The following ATXN1 variants were observed in gnomAD, a reference collection of about 807,000 sequenced individuals.
The protein encoded by ATXN1 is ataxin-1.
Under a neutral mutation model 56.4 loss-of-function variants are expected in ATXN1, and 8 were observed. That is an observed-to-expected ratio of 0.14 (90% CI 0.08 to 0.26). The LOEUF is 0.26. ATXN1 is among the 10% of genes least tolerant of loss of function. The probability of loss-of-function intolerance (pLI) is 1.00; values close to 1 mark genes in which losing one functional copy is unlikely to be tolerated. For synonymous variants in ATXN1, 514 were observed against 494.6 expected (o/e 1.04, Z -0.52); for missense variants, 987 against 1,106.5 (o/e 0.89, Z 1.53).
intron 2 of ATXN1, among the ~76,000 whole-genome samples, chr6:16,677,105 G>GGTT (rs56975695): frequency 0.027 from 4,127 of 152,218 alleles, 75 homozygotes; most frequent in Non-Finnish European, 0.034. Context: ...AGGAACAAGA[G>GGTT]GTTGTCCTTG....
Position 16,760,293 on chromosome 6 carries a change from G to A in ATXN1, c.-730+1005C>T. 6.6e-6 allele frequency among the ~76,000 whole-genome samples: 1 copy of A among 151,914 alleles called. No individual in the cohort carries two copies. Among genetic ancestry groups the A allele is most frequent in the South Asian group, 2.1e-4 (1 of 4,826 alleles). ...CCTCCTGGCTTCATTCACCCTCCCA[G>A]CAGCCGCGCAGCCGTTCACTCCCGG... On this transcript the variant is annotated intron_variant, in intron 1 of 7. Transcript: ENST00000436367. This position sits in a 1 kb window ranked among gnomAD's most constrained non-coding sequence, Gnocchi z 5.3.
intron 6 of ATXN1, among the ~76,000 whole-genome samples, chr6:16,355,119 T>G (rs149385730): frequency 3.7e-4 from 56 of 152,342 alleles, no homozygotes; most frequent in African/African-American, 1.3e-3. Context: ...GCAGTTGAAC[T>G]GCCTCAAACT....
intron 2 of ATXN1, among the ~76,000 whole-genome samples, chr6:16,698,962 T>C (rs1012451494): frequency 1.3e-5 from 2 of 152,218 alleles, no homozygotes; most frequent in African/African-American, 4.8e-5. Context: ...GCAGAAAATC[T>C]AACCAGAAAA....
rs939587592 is a variant in ATXN1, at chr6:16,302,540, C to G, written c.*3789G>C. On this transcript the variant is annotated 3_prime_UTR_variant, in exon 8 of 8. Coordinates refer to ENST00000436367, the MANE Select transcript of ATXN1 (RefSeq NM_001128164.2). ...ATCCATCTCTGTATCCCTCCCTCCCCCCTCTGCCCCAGTGTGGCCCAGACA... is the reference window on the plus strand; with the variant it reads ...ATCCATCTCTGTATCCCTCCCTCCCGCCTCTGCCCCAGTGTGGCCCAGACA... 1.3e-5 allele frequency: 2 copies of G among 152,622 alleles called. No homozygotes were observed. The highest frequency in any genetic ancestry group is 2.1e-4 in the South Asian group (1 of 4,826). 9.5% of individuals were successfully genotyped at this position (152,622 alleles called of 1,614,324 possible).
intron 5 of ATXN1, among the ~76,000 whole-genome samples, chr6:16,493,844 A>G (rs557457027): frequency 9.0e-4 from 137 of 152,320 alleles, no homozygotes; most frequent in African/African-American, 2.8e-3. Context: ...GCAGTCCCTC[A>G]ATGAAATGTT....
chr6:16,581,218 TGTGTGTGCGC>T (rs1414560834), intron 4 of ATXN1, among the ~76,000 whole-genome samples: 19 of 137,328 alleles, frequency 1.4e-4, no homozygotes, highest in African/African-American at 5.5e-4. Flanking sequence ...TGTGTGTGTG[TGTGTGTGCGC>T]GCGTGTGTGT....
rs370118714 is a variant in ATXN1, at chr6:16,334,419, T to C, written c.-160-5949A>G. On this transcript the variant is annotated intron_variant, in intron 6 of 7. Transcript: ENST00000436367. The stretch of plus-strand genomic sequence containing the variant: ...CATTTGGTAGGGTTCTTAAAAAGTA[T>C]AGTAATTATAACCTTCATTAAAAAA... Among the ~76,000 whole-genome samples the C allele has an allele frequency of 1.1e-4, 17 of 152,200 alleles. No individual in the cohort carries two copies. In the East Asian group the frequency reaches 2.5e-3, roughly 22 times the overall value.
chr6:16,755,654 T>G (rs1760866053), intron 1 of ATXN1, among the ~76,000 whole-genome samples: 1 of 151,790 alleles, frequency 6.6e-6, no homozygotes, highest in African/African-American at 2.4e-5. Flanking sequence ...CTACAATAAC[T>G]GTCACGAAAA....
rs374247440 is a variant in ATXN1, at chr6:16,327,201, G to A, written c.1110C>T (p.Tyr370=). 5.0e-6 allele frequency: 8 copies of A among 1,613,760 alleles called. No homozygotes were observed. The African/African-American group carries it at 8.0e-5, about 16-fold the overall frequency. Reference sequence around the variant, plus strand: ...GGACCCCCGAAGGATCACGACTGCTGTAGTCTGAGGGGCTCGGGTGGACCA... The same window carrying A: ...GGACCCCCGAAGGATCACGACTGCTATAGTCTGAGGGGCTCGGGTGGACCA... ...HVVVHPSPSD[Y]SSRDPSGVRA... is the part of the protein sequence containing the mutation. The change falls in exon 7 of 8, where the codon TAC becomes TAT. Residue 370 remains tyrosine, a synonymous_variant. Transcript: ENST00000436367.
intron 6 of ATXN1, among the ~76,000 whole-genome samples, chr6:16,337,028 T>TA (rs1761139010): frequency 1.3e-5 from 2 of 152,168 alleles, no homozygotes; most frequent in Admixed American, 1.3e-4. Context: ...GTTCTTTGAT[T>TA]AAGGGCCTTG....
At position 16,448,893 on chromosome 6, in the gene ATXN1, T is replaced by C. The variant is rs984243461; in HGVS notation, c.-161+37079A>G. 7.2e-5 allele frequency among the ~76,000 whole-genome samples: 11 copies of C among 152,240 alleles called. 1 individual carries two copies. Among genetic ancestry groups the C allele is most frequent in the Admixed American group, 6.5e-4 (10 of 15,292 alleles). On this transcript the variant is annotated intron_variant, in intron 6 of 7. Transcript: ENST00000436367. Reference sequence around the variant, plus strand: ...TCCATTTTGTTAGTAAGGCTCTACATCTTCAAGATTTGCCAACTGATTTAT... The same window carrying C: ...TCCATTTTGTTAGTAAGGCTCTACACCTTCAAGATTTGCCAACTGATTTAT...
intron 6 of ATXN1, among the ~76,000 whole-genome samples, chr6:16,424,555 T>C (rs1464114228): frequency 1.3e-5 from 2 of 152,178 alleles, no homozygotes; most frequent in African/African-American, 2.4e-5. Context: ...GACCAGCTCA[T>C]GCCCCACAAC....
Position 16,328,916 on chromosome 6 carries a change from C to T in ATXN1, c.-160-446G>A, listed in dbSNP as rs1227986482. 6.6e-6 allele frequency among the ~76,000 whole-genome samples: 1 copy of T among 152,038 alleles called. No homozygotes were observed. Among genetic ancestry groups the T allele is most frequent in the East Asian group, 1.9e-4 (1 of 5,190 alleles). The stretch of plus-strand genomic sequence containing the variant: ...TACTCCAGCCTGGGCAACAGAGCGA[C>T]ACTCTGTCTCCAAAAACGAAACAAA... On this transcript the variant is annotated intron_variant, in intron 6 of 7. Coordinates refer to ENST00000436367, the MANE Select transcript of ATXN1 (RefSeq NM_001128164.2). This position sits in a 1 kb window ranked among gnomAD's most constrained non-coding sequence, Gnocchi z 6.2.
chr6:16,424,068 A>G (rs1386243109), intron 6 of ATXN1, among the ~76,000 whole-genome samples: 1 of 152,172 alleles, frequency 6.6e-6, no homozygotes, highest in Non-Finnish European at 1.5e-5. Flanking sequence ...GTAATCCTAT[A>G]AGACTGGAAG....
chr6:16,441,696 T>G (rs1247220267), intron 6 of ATXN1, among the ~76,000 whole-genome samples: 1 of 151,960 alleles, frequency 6.6e-6, no homozygotes, highest in African/African-American at 2.4e-5. Flanking sequence ...GGGAAAGAAT[T>G]TGAAGAAAAC....
rs1428797826 is a variant in ATXN1 at position 16,303,729 on chromosome 6, C to CG, written c.*2599dup. Reference sequence around the variant, plus strand: ...TAGTGGATCCAGTCAATTCAATACTCGAAGTAAGCCAAAAGGTGGTGTGTG... The same window carrying CG: ...TAGTGGATCCAGTCAATTCAATACTCGGAAGTAAGCCAAAAGGTGGTGTGTG... On this transcript the variant is annotated 3_prime_UTR_variant, in exon 8 of 8. Transcript: ENST00000436367. This position sits in a 1 kb window ranked among gnomAD's most constrained non-coding sequence, Gnocchi z 4.3. 6.6e-6 allele frequency: 1 copy of CG among 152,636 alleles called. No individual in the cohort carries two copies. Among genetic ancestry groups the CG allele is most frequent in the South Asian group, 2.1e-4 (1 of 4,810 alleles). 9.5% of individuals were successfully genotyped at this position (152,636 alleles called of 1,614,324 possible). A position where few individuals can be genotyped will look rare whatever the true frequency, so the allele number is the denominator to read the frequency against.
chr6:16,327,955 T>C lies in ATXN1; in HGVS notation c.356A>G (p.Gln119Arg), dbSNP rs567297318. Residue 119 changes from glutamine (Q) to arginine (R), a missense_variant, in exon 7 of 8, where the codon CAG becomes CGG. This residue lies in a region of ATXN1 where 723 missense variants were observed against 791.7 expected (regional missense o/e 0.91). Coordinates refer to ENST00000436367, the MANE Select transcript of ATXN1 (RefSeq NM_001128164.2). ...PQPGTPVSPV[Q>R]YAHLPHTFQF... ...GAAGGTGTGCGGCAGGTGAGCGTACTGCACGGGGGACACCGGGGTCCCTGG... is the reference window on the plus strand; with the variant it reads ...GAAGGTGTGCGGCAGGTGAGCGTACCGCACGGGGGACACCGGGGTCCCTGG... 6 of 1,612,984 alleles carry C rather than the reference T, an allele frequency of 3.7e-6. No homozygotes were observed. In the African/African-American group the frequency reaches 6.7e-5, roughly 18 times the overall value.
intron 6 of ATXN1, among the ~76,000 whole-genome samples, chr6:16,341,854 G>A (rs1349282602): frequency 1.4e-5 from 2 of 142,462 alleles, no homozygotes; most frequent in Non-Finnish European, 3.0e-5. Flanking sequence ...AACTCCATCT[G>A]TCCTTGGCAG....
chr6:16,488,994 G>A (rs900346532), intron 5 of ATXN1, among the ~76,000 whole-genome samples: 6 of 152,078 alleles, frequency 3.9e-5, no homozygotes, highest in African/African-American at 1.4e-4. Flanking sequence ...CTGCCTAGAG[G>A]AGAAAATGAC....
Sources: gnomAD v4.1 joint callset for allele counts (sites outside exome capture counted in the v4.1 genomes callset) on GRCh38, gnomAD v4.1.1 for gene constraint, gnomAD v4.1.1 regional missense constraint, Gnocchi (gnomAD v3.1) non-coding constraint, MANE v1.5 for transcripts, NCBI Gene and HGNC (gene_info 2026-07-23, HGNC 2026-07-21) for gene names.